The following CDKAL1 variants were observed in gnomAD, a reference collection of about 807,000 sequenced individuals.
The protein encoded by CDKAL1 is CDKAL1 threonylcarbamoyladenosine tRNA methylthiotransferase, also known as threonylcarbamoyladenosine tRNA methylthiotransferase.
Under a neutral mutation model 68.2 loss-of-function variants are expected in CDKAL1, and 32 were observed. The observed-to-expected ratio is 0.47, with a 90% CI of 0.35 to 0.63. CDKAL1 has a LOEUF of 0.63. CDKAL1 is among the 30% of genes least tolerant of loss of function. The pLI is 0.00. For missense variants in CDKAL1, 606 were observed against 696.7 expected (o/e 0.87, Z 1.47); for synonymous variants, 234 against 244.3 (o/e 0.96, Z 0.39).
chr6:20,622,946 CA>C (rs1344112913), intron 4 of CDKAL1, among the ~76,000 whole-genome samples: 2 of 151,944 alleles, frequency 1.3e-5, no homozygotes, highest in Non-Finnish European at 2.9e-5. Context: ...CTAATTGTCT[CA>C]AACAAAAGGG....
At chr6:21,189,755 T>C (rs1232141476) in intron 13 of CDKAL1, among the ~76,000 whole-genome samples, 1 of 152,222 alleles carries the variant, frequency 6.6e-6, no homozygotes, top group Non-Finnish European at 1.5e-5. Context: ...ATTTTAATGT[T>C]ATTGCTATTA....
At chr6:21,170,396 C>A (rs1278289107) in intron 13 of CDKAL1, among the ~76,000 whole-genome samples, 1 of 152,072 alleles carries the variant, frequency 6.6e-6, no homozygotes, top group Non-Finnish European at 1.5e-5. Context: ...GTGCAGTGAT[C>A]TTGGCTCACT....
intron 12 of CDKAL1, among the ~76,000 whole-genome samples, chr6:21,080,731 T>G (rs1772347436): frequency 6.6e-6 from 1 of 152,162 alleles, no homozygotes; most frequent in Admixed American, 6.5e-5. Flanking sequence ...TAAATCAACT[T>G]TGTGTAGTCA....
At chr6:21,030,162 G>A (rs1769195096) in intron 11 of CDKAL1, among the ~76,000 whole-genome samples, 1 of 152,178 alleles carries the variant, frequency 6.6e-6, no homozygotes, top group Non-Finnish European at 1.5e-5. Flanking sequence ...AAAGGAATGA[G>A]ATCATGTTCT....
At chr6:21,014,684 ATATCTCTAAG>A (rs1358213247) in intron 11 of CDKAL1, among the ~76,000 whole-genome samples, 2 of 150,972 alleles carry the variant, frequency 1.3e-5, no homozygotes, top group African/African-American at 4.9e-5. Flanking sequence ...TTTTTTTATC[ATATCTCTAAG>A]TATCTAATTA....
At chr6:20,654,214 T>C (rs994182306) in intron 5 of CDKAL1, among the ~76,000 whole-genome samples, 1 of 152,194 alleles carries the variant, frequency 6.6e-6, no homozygotes, top group Non-Finnish European at 1.5e-5. Context: ...TTAATGAGTT[T>C]GGGCTTTTTA....
chr6:20,786,494 C>CTTTTTTTTTTTTTT (rs1197574844), intron 8 of CDKAL1, among the ~76,000 whole-genome samples: 4 of 80,730 alleles, frequency 5.0e-5, no homozygotes, highest in South Asian at 5.3e-4. Flanking sequence ...TTTTTCTTAT[C>CTTTTTTTTTTTTTT]TTTTTTTTTT....
At chr6:21,025,217 C>T (rs1239581125) in intron 11 of CDKAL1, among the ~76,000 whole-genome samples, 1 of 152,134 alleles carries the variant, frequency 6.6e-6, no homozygotes, top group African/African-American at 2.4e-5. Context: ...ATCCTTTCTC[C>T]TCCCCAAAAT....
intron 6 of CDKAL1, among the ~76,000 whole-genome samples, chr6:20,746,000 A>T (rs1773649781): frequency 6.6e-6 from 1 of 152,178 alleles, no homozygotes. Flanking sequence ...CTGATGTCCC[A>T]AACACTGTTT....
chr6:21,168,129 G>A (rs1347924761), intron 13 of CDKAL1, among the ~76,000 whole-genome samples: 3 of 152,162 alleles, frequency 2.0e-5, no homozygotes, highest in African/African-American at 4.8e-5. Flanking sequence ...CATAAAAGCC[G>A]AAAATGCAGT....
chr6:20,875,678 T>C (rs1380567861), intron 9 of CDKAL1, among the ~76,000 whole-genome samples: 1 of 148,986 alleles, frequency 6.7e-6, no homozygotes, highest in African/African-American at 2.5e-5. Context: ...CCTTCACTAA[T>C]GAAAAAAAAT....
chr6:20,999,983 T>C (rs183098142), intron 10 of CDKAL1, among the ~76,000 whole-genome samples: 7 of 152,202 alleles, frequency 4.6e-5, no homozygotes, highest in Non-Finnish European at 1.0e-4. Context: ...TTATCTCTGT[T>C]TTGTCACCTA....
intron 15 of CDKAL1, among the ~76,000 whole-genome samples, chr6:21,222,615 T>C (rs1031654432): frequency 1.3e-4 from 20 of 152,128 alleles, no homozygotes; most frequent in African/African-American, 4.8e-4. Context: ...ATTTGGGGAA[T>C]GTCTAGAAGA....
intron 10 of CDKAL1, chr6:20,993,481 T>G (rs1304371350): frequency 2.0e-5 from 3 of 152,204 alleles, no homozygotes; most frequent in Admixed American, 1.3e-4. Context: ...AATGCAAGTG[T>G]CAACATATTC....
chr6:21,153,981 G>T (rs1400596243), intron 13 of CDKAL1, among the ~76,000 whole-genome samples: 1 of 152,114 alleles, frequency 6.6e-6, no homozygotes, highest in Non-Finnish European at 1.5e-5. Context: ...TGACATCTGG[G>T]TCTCATAGAT....
chr6:21,128,722 C>CA (rs908647682), intron 13 of CDKAL1, among the ~76,000 whole-genome samples: 2 of 151,992 alleles, frequency 1.3e-5, no homozygotes, highest in African/African-American at 4.8e-5. Context: ...GAAGCAAAGG[C>CA]AAAAAGACAA....
At chr6:20,891,944 A>G (rs1287448473) in intron 9 of CDKAL1, among the ~76,000 whole-genome samples, 1 of 152,104 alleles carries the variant, frequency 6.6e-6, no homozygotes, top group Non-Finnish European at 1.5e-5. Flanking sequence ...TCTCAACTCT[A>G]CTTTCAATTA....
intron 11 of CDKAL1, among the ~76,000 whole-genome samples, chr6:21,031,791 G>C (rs952046518): frequency 6.6e-6 from 1 of 152,028 alleles, no homozygotes; most frequent in African/African-American, 2.4e-5. Context: ...TGCGTTATTT[G>C]CATGACTTTT....
intron 6 of CDKAL1, among the ~76,000 whole-genome samples, chr6:20,744,852 A>T (rs1773599130): frequency 1.3e-5 from 2 of 152,216 alleles, no homozygotes; most frequent in South Asian, 4.1e-4. Flanking sequence ...TGTTATTAAC[A>T]AGGACCACAT....
Sources: gnomAD v4.1 joint callset for allele counts (sites outside exome capture counted in the v4.1 genomes callset) on GRCh38, gnomAD v4.1.1 for gene constraint, MANE v1.5 for transcripts, NCBI Gene and HGNC (gene_info 2026-07-23, HGNC 2026-07-21) for gene names.